Variants in MGAM observed in about 807,000 individuals in gnomAD.
The protein encoded by MGAM is alpha-1,4-glucosidase.
In MGAM, 253 loss-of-function variants were observed where a neutral mutation model predicts 358.8. That is an observed-to-expected ratio of 0.71 (90% CI 0.64 to 0.78). MGAM has a LOEUF of 0.78. Ranked by LOEUF, MGAM falls within the 30% of genes least tolerant of loss-of-function variation. The pLI is 0.00. For missense variants in MGAM, 3,080 were observed against 3,432.6 expected, an observed-to-expected ratio of 0.90 and a Z score of 2.57; for synonymous variants, 1,105 against 1,227.1, an observed-to-expected ratio of 0.90 and a Z score of 2.08.
In MGAM at chr7:142,056,004, A is replaced by G. The variant is rs200851430; in HGVS notation, c.3488A>G (p.Lys1163Arg). The stretch of plus-strand genomic sequence containing the variant: ...CTTCTTCCCATGACTCCCCAGTACA[A>G]GAAGAATTCCTATGGTGTCCACCCC... ...MFSRDQPPGY[K>R]KNSYGVHPYY... is the part of the protein sequence containing the mutation. The change falls in exon 29 of 71, where the codon AAG becomes AGG. Residue 1163 changes from lysine (K) to arginine (R), a missense_variant. By Grantham distance (26) the Lys-to-Arg change is conservative (BLOSUM62 2). Coordinates refer to ENST00000475668, the MANE Select transcript of MGAM (RefSeq NM_001365693.1). 122 of 1,610,328 alleles carry G rather than the reference A, an allele frequency of 7.6e-5. No homozygotes were observed. Among genetic ancestry groups the G allele is most frequent in the Non-Finnish European group, 9.3e-5 (110 of 1,178,408 alleles).
intron 10 of MGAM, among the ~76,000 whole-genome samples, chr7:142,028,538 C>T (rs1466933488): frequency 2.6e-5 from 4 of 152,114 alleles, no homozygotes; most frequent in African/African-American, 4.8e-5. Context: ...CATGTGACTA[C>T]ATGGATGTGA....
intron 3 of MGAM, among the ~76,000 whole-genome samples, chr7:142,014,314 A>G (rs190397696): frequency 2.0e-5 from 3 of 152,310 alleles, no homozygotes; most frequent in South Asian, 2.1e-4. Context: ...ATTGTTAGGC[A>G]TGATTATTAT....
Position 142,058,215 on chromosome 7 carries a change from C to T in MGAM, c.3706C>T (p.Pro1236Ser). ...TQQYTELIGRPVMVPYWSLGF... is the reference protein window; with the variant it reads ...TQQYTELIGRSVMVPYWSLGF... Reference sequence around the variant, plus strand: ...GTCTATTTTCTAGTTGATTGGCCGGCCTGTGATGGTACCTTACTGGTCTTT... The same window carrying T: ...GTCTATTTTCTAGTTGATTGGCCGGTCTGTGATGGTACCTTACTGGTCTTT... Residue 1236 changes from proline (P) to serine (S), a missense_variant, in exon 31 of 71, where the codon CCT (proline) becomes TCT (serine). Transcript: ENST00000475668. 1 of 1,613,800 alleles carries T rather than the reference C, an allele frequency of 6.2e-7. No individual in the cohort carries two copies. The highest frequency in any genetic ancestry group is 8.5e-7 in the Non-Finnish European group (1 of 1,179,800).
At position 142,099,613 on chromosome 7, in the gene MGAM, G is replaced by A. The variant is rs373813573; in HGVS notation, c.7750G>A (p.Gly2584Ser). The change falls in exon 67 of 71, where the codon GGT (glycine) becomes AGT (serine). Residue 2584 changes from glycine (G) to serine (S), a missense_variant and splice_region_variant. Gly to Ser is a moderately conservative substitution (Grantham distance 56, BLOSUM62 0). This residue lies in a region of MGAM where 932 missense variants were observed against 1,198.2 expected (regional missense o/e 0.78). Transcript: ENST00000475668. ...PRARWYDYYT[G>S]VDINARGEWK... ...ATCTCTTACCTTCTTCTGCCTCCAG[G>A]GTGTGGATATTAATGCAAGAGGAGA... 6 of 1,613,708 alleles carry A rather than the reference G, an allele frequency of 3.7e-6. No homozygotes were observed. Among genetic ancestry groups the A allele is most frequent in the Non-Finnish European group, 5.1e-6 (6 of 1,179,802 alleles).
chr7:142,009,445 A>T (rs1805431836), intron 3 of MGAM, among the ~76,000 whole-genome samples: 1 of 151,994 alleles, frequency 6.6e-6, no homozygotes, highest in Admixed American at 6.6e-5. Flanking sequence ...TCAATAGCTC[A>T]CTCAAGCTGT....
chr7:142,070,748 T>A (rs988870951), intron 43 of MGAM, among the ~76,000 whole-genome samples: 4 of 146,426 alleles, frequency 2.7e-5, no homozygotes, highest in African/African-American at 9.7e-5. Flanking sequence ...TTCTTCCTGT[T>A]ACACATCAGG....
At chr7:142,097,555 T>C (rs766522354) in intron 65 of MGAM, 38 bp from the exon 66 acceptor site, 1 of 1,585,966 alleles carries the variant, frequency 6.3e-7, no homozygotes, top group Non-Finnish European at 8.7e-7. Context: ...TCCTGGAAAA[T>C]GGTGCCACTG....
At chr7:141,988,413 G>T (rs373799256) in intron 2 of MGAM, among the ~76,000 whole-genome samples, 6 of 152,270 alleles carry the variant, frequency 3.9e-5, no homozygotes, top group African/African-American at 1.4e-4. Context: ...CACCCAGGCT[G>T]GAGTGCAGTG....
rs1300670274 is a variant in MGAM at position 142,106,335 on chromosome 7, A to ATAGG, written c.*445_*448dup. 1 of 154,330 alleles carries ATAGG rather than the reference A, an allele frequency of 6.5e-6. No homozygotes were observed. The highest frequency in any genetic ancestry group is 1.4e-5 in the Non-Finnish European group (1 of 69,350). The allele number at this position is 154,330 out of a possible 1,614,324, so 9.6% of individuals were successfully genotyped here. A position where few individuals can be genotyped will look rare whatever the true frequency, so the allele number is the denominator to read the frequency against. ...CAGAAAGAACATCTGCTAGTTGGTT[A>ATAGG]TAGGCGGTGGGAGGAATAATATACC... On this transcript the variant is annotated 3_prime_UTR_variant, in exon 71 of 71. Transcript: ENST00000475668.
chr7:142,055,564 C>G lies in MGAM; in HGVS notation c.3321C>G (p.Asp1107Glu), dbSNP rs747964254. ...RRKSTGTIIW[D>E]SQLLGFTFSD... ...CTGCGTTTTTGTGTTTCAGTTGGGA[C>G]TCTCAGCTCCTTGGCTTTACCTTCA... Residue 1107 changes from aspartate to glutamate, a missense_variant, in exon 28 of 71, where the codon GAC (aspartate) becomes GAG (glutamate). Asp to Glu is a conservative substitution (Grantham distance 45, BLOSUM62 2). This residue lies in a region of MGAM where 1,816 missense variants were observed against 1,840.5 expected (regional missense o/e 0.99). Coordinates refer to ENST00000475668, the MANE Select transcript of MGAM (RefSeq NM_001365693.1). 4.3e-6 allele frequency: 7 copies of G among 1,613,922 alleles called. No homozygotes were observed. In the South Asian group the frequency reaches 6.6e-5, roughly 15 times the overall value.
intron 10 of MGAM, among the ~76,000 whole-genome samples, chr7:142,028,960 AG>A (rs1322088108): frequency 6.6e-6 from 1 of 152,194 alleles, no homozygotes; most frequent in Non-Finnish European, 1.5e-5. Context: ...CAATTAACAC[AG>A]CCACCATAAT....
chr7:142,045,566 A>G (rs1247978443), intron 21 of MGAM, among the ~76,000 whole-genome samples: 2 of 4,172 alleles, frequency 4.8e-4, no homozygotes, highest in Non-Finnish European at 0.014. Context: ...ATATGAATAT[A>G]TAATATATAT....
chr7:142,056,071 G>T lies in MGAM; in HGVS notation c.3555G>T (p.Val1185=). The stretch of plus-strand genomic sequence containing the variant: ...AGGAGGACGGCAGTGCCCATGGAGT[G>T]CTCCTGCTGAACAGCAATGCCATGG... ...GLEEDGSAHG[V]LLLNSNAMDV... Residue 1185 remains valine, a synonymous_variant, in exon 29 of 71, where the codon GTG becomes GTT. Transcript: ENST00000475668. 6.2e-7 allele frequency: 1 copy of T among 1,609,496 alleles called. No individual in the cohort carries two copies. Among genetic ancestry groups the T allele is most frequent in the Non-Finnish European group, 8.5e-7 (1 of 1,178,068 alleles).
intron 70 of MGAM, among the ~76,000 whole-genome samples, 191 bp downstream of exon 70, chr7:142,103,630 A>G (rs1441118565): frequency 6.6e-6 from 1 of 152,108 alleles, no homozygotes; most frequent in Non-Finnish European, 1.5e-5. Flanking sequence ...TTTGGAATCC[A>G]TGGCCTGGAT....
chr7:142,051,868 C>A (rs1416562585), intron 24 of MGAM, among the ~76,000 whole-genome samples: 1 of 152,008 alleles, frequency 6.6e-6, no homozygotes, highest in African/African-American at 2.4e-5. Flanking sequence ...GGCATGATAA[C>A]CAGGTCATAT....
intron 21 of MGAM, among the ~76,000 whole-genome samples, chr7:142,044,124 A>C (rs1369236075): frequency 2.8e-5 from 4 of 144,874 alleles, no homozygotes; most frequent in African/African-American, 1.0e-4. Context: ...TACACATACG[A>C]CGTATAATAT....
Position 142,086,346 on chromosome 7 carries a change from G to A in MGAM, c.6747+18G>A. On this transcript the variant is annotated intron_variant, in intron 56 of 70. Coordinates refer to ENST00000475668, the MANE Select transcript of MGAM (RefSeq NM_001365693.1). Reference sequence around the variant, plus strand: ...GGGGAAAGGTATAATCCTAAGCGATGATCCAGTAGTCCCTAGCCTGAGGGT... The same window carrying A: ...GGGGAAAGGTATAATCCTAAGCGATAATCCAGTAGTCCCTAGCCTGAGGGT... 1 of 1,491,468 alleles carries A rather than the reference G, an allele frequency of 6.7e-7. No individual in the cohort carries two copies. Among genetic ancestry groups the A allele is most frequent in the Non-Finnish European group, 9.2e-7 (1 of 1,089,964 alleles). The allele number at this position is 1,491,468 out of a possible 1,614,324, so 92.4% of individuals were successfully genotyped here.
In MGAM at chr7:142,041,734, C is replaced by G. The variant is rs540890484; in HGVS notation, c.2498+888C>G. ...ACAACATTTGGGCTTTTGCACTTAT[C>G]CTTTCCAACATTCTTTGCCTGGTGT... On this transcript the variant is annotated intron_variant, in intron 21 of 70. Transcript: ENST00000475668. Among the ~76,000 whole-genome samples, 4 of 149,450 alleles carry G rather than the reference C, an allele frequency of 2.7e-5. No homozygotes were observed. In the East Asian group the frequency reaches 7.9e-4, roughly 30 times the overall value.
In MGAM at chr7:142,005,674, G is replaced by A. The variant is rs534180828; in HGVS notation, c.127+17G>A. ...AATCAACAGGTAAGAAGTAACTCTG[G>A]GGCTCTCTCCATATGTTGTTTTTAT... is the stretch of plus-strand genomic sequence containing the variant. On this transcript the variant is annotated intron_variant, in intron 2 of 70. Coordinates refer to ENST00000475668, the MANE Select transcript of MGAM (RefSeq NM_001365693.1). 1.9e-6 allele frequency: 3 copies of A among 1,596,224 alleles called. No homozygotes were observed. The highest frequency in any genetic ancestry group is 2.3e-5 in the South Asian group (2 of 88,508).
Sources: gnomAD v4.1 joint callset for allele counts (sites outside exome capture counted in the v4.1 genomes callset) on GRCh38, gnomAD v4.1.1 for gene constraint, gnomAD v4.1.1 regional missense constraint, MANE v1.5 for transcripts, NCBI Gene and HGNC (gene_info 2026-07-23, HGNC 2026-07-21) for gene names.